Variants in BLTP3A observed in about 807,000 individuals in gnomAD.
BLTP3A encodes the protein bridge-like lipid transfer protein family member 3A, also known as ICBP90 binding protein 1.
chr6:34,850,977 G>C, the BLTP3A span, among the ~76,000 whole-genome samples: 1 of 152,250 alleles, frequency 6.6e-6, no homozygotes, highest in East Asian at 1.9e-4. Flanking sequence ...TTATAGGCAA[G>C]AGCCACTGCG....
the BLTP3A span, among the ~76,000 whole-genome samples, chr6:34,837,659 A>T: frequency 4.6e-5 from 7 of 152,238 alleles, no homozygotes; most frequent in Non-Finnish European, 1.0e-4. Flanking sequence ...AGCCTGGGTG[A>T]CACAGTGAGA....
the BLTP3A span, among the ~76,000 whole-genome samples, chr6:34,829,503 A>C: frequency 2.0e-5 from 3 of 152,220 alleles, no homozygotes; most frequent in Admixed American, 6.5e-5. Flanking sequence ...CTTTAGCTTA[A>C]CATTATGTTT....
chr6:34,816,641 T>C, the BLTP3A span, among the ~76,000 whole-genome samples: 1 of 152,100 alleles, frequency 6.6e-6, no homozygotes, highest in Non-Finnish European at 1.5e-5. Flanking sequence ...AATGGCTTTT[T>C]ATCATATGAA....
the BLTP3A span, chr6:34,877,480 A>G: frequency 3.3e-5 from 5 of 152,650 alleles, no homozygotes; most frequent in South Asian, 2.1e-4. Flanking sequence ...TCTGTGAACC[A>G]CCTGAAAAAA....
At chr6:34,800,724 C>G in the BLTP3A span, among the ~76,000 whole-genome samples, 12 of 152,092 alleles carry the variant, frequency 7.9e-5, no homozygotes, top group Non-Finnish European at 1.2e-4. Context: ...AATAATATAT[C>G]TTAGTAAAAG....
the BLTP3A span, chr6:34,867,562 C>G: frequency 6.8e-6 from 11 of 1,613,934 alleles, no homozygotes; most frequent in Non-Finnish European, 8.5e-6. Context: ...GGAACTGACC[C>G]TCCAGCAGCT....
the BLTP3A span, among the ~76,000 whole-genome samples, chr6:34,809,920 A>G: frequency 6.6e-6 from 1 of 152,220 alleles, no homozygotes; most frequent in Non-Finnish European, 1.5e-5. Context: ...CAGTTGATTG[A>G]CACATATTTT....
At chr6:34,852,661 T>C in the BLTP3A span, among the ~76,000 whole-genome samples, 2 of 151,836 alleles carry the variant, frequency 1.3e-5, no homozygotes, top group African/African-American at 4.8e-5. Flanking sequence ...AAGCATTCCT[T>C]TGGCTATCCC....
At chr6:34,807,421 T>C in the BLTP3A span, among the ~76,000 whole-genome samples, 1 of 152,186 alleles carries the variant, frequency 6.6e-6, no homozygotes, top group Non-Finnish European at 1.5e-5. Flanking sequence ...CCTGAAGATA[T>C]TCACTTCTAG....
the BLTP3A span, among the ~76,000 whole-genome samples, chr6:34,864,631 C>T: frequency 1.4e-5 from 2 of 139,224 alleles, no homozygotes; most frequent in African/African-American, 5.4e-5. Flanking sequence ...TAAACTGGTT[C>T]TTTCAGTTTA....
chr6:34,825,802 G>A, the BLTP3A span, among the ~76,000 whole-genome samples: 1 of 151,954 alleles, frequency 6.6e-6, no homozygotes. Context: ...TGCCACAATT[G>A]GTTTGTCCAT....
At chr6:34,858,690 A>G in the BLTP3A span, 1 of 1,614,236 alleles carries the variant, frequency 6.2e-7, no homozygotes, top group Non-Finnish European at 8.5e-7. Flanking sequence ...CAAAGACTGA[A>G]CATGACTTGA....
the BLTP3A span, among the ~76,000 whole-genome samples, chr6:34,808,676 T>C: frequency 1.3e-5 from 2 of 151,952 alleles, no homozygotes; most frequent in African/African-American, 4.8e-5. Context: ...CTCAACCCCC[T>C]GGGGTCAAGG....
chr6:34,861,465 T>G, the BLTP3A span, among the ~76,000 whole-genome samples: 2 of 152,186 alleles, frequency 1.3e-5, no homozygotes, highest in Non-Finnish European at 2.9e-5. Context: ...TGGTTTGTGT[T>G]TATCGTGTTG....
the BLTP3A span, among the ~76,000 whole-genome samples, chr6:34,820,503 G>C: frequency 6.6e-6 from 1 of 151,962 alleles, no homozygotes; most frequent in Admixed American, 6.6e-5. Flanking sequence ...TCAGTTGTCA[G>C]ATGCCCTTTT....
At chr6:34,834,227 T>C in the BLTP3A span, 1 of 1,613,770 alleles carries the variant, frequency 6.2e-7, no homozygotes, top group Non-Finnish European at 8.5e-7. Context: ...TGAATATGGC[T>C]TTGCCGAAAA....
the BLTP3A span, among the ~76,000 whole-genome samples, chr6:34,801,599 CT>C: frequency 2.6e-5 from 4 of 152,228 alleles, no homozygotes; most frequent in African/African-American, 9.6e-5. Context: ...TCCTTTTTGA[CT>C]TTTGAATGTC....
the BLTP3A span, among the ~76,000 whole-genome samples, chr6:34,838,670 C>T: frequency 6.6e-6 from 1 of 152,302 alleles, no homozygotes; most frequent in South Asian, 2.1e-4. Context: ...GGAGGCTGGG[C>T]ACGATGACTT....
At chr6:34,825,981 CT>C in the BLTP3A span, among the ~76,000 whole-genome samples, 1 of 149,052 alleles carries the variant, frequency 6.7e-6, no homozygotes, top group African/African-American at 2.5e-5. Flanking sequence ...AACTGTCAAA[CT>C]TTTCCAGAGT....
Sources: allele counts gnomAD v4.1 joint callset (sites outside exome capture counted in the v4.1 genomes callset), GRCh38; gene constraint gnomAD v4.1.1; transcripts MANE v1.5; gene names NCBI Gene and HGNC (gene_info 2026-07-23, HGNC 2026-07-21).